The following KIF9 variants were observed in gnomAD, a reference collection of about 807,000 sequenced individuals.
The protein encoded by KIF9 is kinesin-like protein KIF9.
Under a neutral mutation model 94.8 loss-of-function variants are expected in KIF9, and 68 were observed. The ratio of observed to expected loss-of-function variants is 0.72; its 90% confidence interval spans 0.59 to 0.88. The LOEUF (loss-of-function observed/expected upper bound fraction) is 0.88, where lower values mean the gene tolerates loss of function less well. Ranked by LOEUF, KIF9 falls within the 40% of genes least tolerant of loss-of-function variation. The pLI is 0.00. For synonymous variants in KIF9, 343 were observed against 362.1 expected (o/e 0.95, Z 0.60); for missense variants, 882 against 982.5 (o/e 0.90, Z 1.37).
intron 4 of KIF9, 69 bp downstream of exon 4, chr3:47,273,483 A>G (rs1351845798): frequency 8.0e-7 from 1 of 1,247,742 alleles, no homozygotes; most frequent in Non-Finnish European, 1.1e-6. Context: ...TAGCTGGCCC[A>G]GGGTCAGTAA....
rs756705314 is a variant in KIF9, at chr3:47,236,657, G to A, written c.1925-38C>T. ...GGAAGAAGTCAGGAAATGAGGAGGT[G>A]TCCACCTGAAATTGGGGGAGGAAGG... On this transcript the variant is annotated intron_variant, in intron 17 of 20. Coordinates refer to ENST00000684063, the MANE Select transcript of KIF9 (RefSeq NM_182902.4). 8 of 1,594,810 alleles carry A rather than the reference G, an allele frequency of 5.0e-6. No homozygotes were observed. The Admixed American group carries it at 1.2e-4, about 23-fold the overall frequency.
At chr3:47,282,085 G>A (rs1052356746) in intron 1 of KIF9, 5 of 520,942 alleles carry the variant, frequency 9.6e-6, no homozygotes, top group Non-Finnish European at 1.2e-5. Flanking sequence ...CGTGGAGCCT[G>A]GGCGGCAGTG....
chr3:47,245,350 G>C (rs969375636), intron 14 of KIF9, 71 bp downstream of exon 14: 3 of 1,127,792 alleles, frequency 2.7e-6, no homozygotes, highest in East Asian at 4.7e-5. Context: ...ATTAATACTT[G>C]CTGGCTCTGC....
chr3:47,239,924 A>C, intron 17 of KIF9: 1 of 1,367,704 alleles, frequency 7.3e-7, no homozygotes, highest in Non-Finnish European at 9.8e-7. Flanking sequence ...GTCTGGAAGA[A>C]GACAGTAAGA....
chr3:47,245,102 G>A, intron 14 of KIF9, 178 bp from the exon 15 acceptor site: 1 of 741,106 alleles, frequency 1.3e-6, no homozygotes, highest in Non-Finnish European at 2.1e-6. Context: ...TGACCACTCT[G>A]CCAAATGTCC....
At chr3:47,266,893 G>A in intron 7 of KIF9, 83 bp downstream of exon 7, 2 of 1,008,708 alleles carry the variant, frequency 2.0e-6, no homozygotes, top group South Asian at 2.6e-5. Flanking sequence ...TATCCAATGA[G>A]TCATGGCCCA....
At chr3:47,251,323 T>C (rs751411530) in intron 10 of KIF9, among the ~76,000 whole-genome samples, 1 of 152,080 alleles carries the variant, frequency 6.6e-6, no homozygotes, top group Non-Finnish European at 1.5e-5. Flanking sequence ...CCCAGCACTT[T>C]AGGAGGTCAA....
At chr3:47,250,658 C>T (rs531470417) in intron 10 of KIF9, 1 of 397,448 alleles carries the variant, frequency 2.5e-6, no homozygotes, top group Non-Finnish European at 5.3e-6. Context: ...AGAAGAATCG[C>T]TAAGTCATTT....
At chr3:47,243,285 CAG>C (rs1559430993) in intron 15 of KIF9, 40 bp from the exon 16 acceptor site, 1 of 1,539,432 alleles carries the variant, frequency 6.5e-7, no homozygotes. Context: ...CAGTCATGGA[CAG>C]TGAGTTATCA....
chr3:47,254,722 A>G (rs1700466255), intron 10 of KIF9, among the ~76,000 whole-genome samples: 1 of 152,208 alleles, frequency 6.6e-6, no homozygotes, highest in Non-Finnish European at 1.5e-5. Flanking sequence ...GGCCTTAACT[A>G]GGATGCCAGT....
At chr3:47,244,491 T>G in intron 15 of KIF9, 1 of 302,604 alleles carries the variant, frequency 3.3e-6, no homozygotes, top group South Asian at 5.7e-5. Context: ...CCACTACTCA[T>G]TGGTGGTATG....
At chr3:47,250,643 TGAG>T (rs1192897077) in intron 10 of KIF9, 3 of 413,508 alleles carry the variant, frequency 7.3e-6, no homozygotes, top group Non-Finnish European at 1.5e-5. Context: ...TGACACATTT[TGAG>T]GAGAAGAATC....
chr3:47,250,685 T>C (rs993182701), intron 10 of KIF9: 3 of 313,480 alleles, frequency 9.6e-6, no homozygotes, highest in Non-Finnish European at 2.1e-5. Flanking sequence ...CGATATACCA[T>C]CTGAGTGTCT....
chr3:47,280,993 G>A lies in KIF9; in HGVS notation c.-6+1502C>T, dbSNP rs190009349. ...ACCATTCTTACGTCGCTTCATTTGA[G>A]TGGGTTTCAGTTCCCAAAATTAAAT... On this transcript the variant is annotated intron_variant, in intron 1 of 20. Transcript: ENST00000684063. 3 of 703,056 alleles carry A rather than the reference G, an allele frequency of 4.3e-6. No individual in the cohort carries two copies. In the African/African-American group the frequency reaches 5.2e-5, roughly 12 times the overall value. 43.6% of individuals were successfully genotyped at this position (703,056 alleles called of 1,614,324 possible).
intron 9 of KIF9, among the ~76,000 whole-genome samples, chr3:47,261,510 A>AT (rs1162555239): frequency 6.6e-6 from 1 of 152,182 alleles, no homozygotes; most frequent in Non-Finnish European, 1.5e-5. Flanking sequence ...AGGCCCAGAG[A>AT]TTCTTGCCTC....
Position 47,244,808 on chromosome 3 carries a change from T to G in KIF9, c.1497A>C (p.Thr499=). ...TCACTCACCTGAGTGGCTCTTTGAATGTCTTCTTGGACTTGGCTTTCTTCC... is the reference window on the plus strand; with the variant it reads ...TCACTCACCTGAGTGGCTCTTTGAAGGTCTTCTTGGACTTGGCTTTCTTCC... ...KPGKKAKSKK[T]FKEPLSSLAR... is the part of the protein sequence containing the mutation. The change falls in exon 15 of 21, where the codon ACA becomes ACC. Residue 499 remains threonine, a synonymous_variant. Transcript: ENST00000684063. 6.2e-7 allele frequency: 1 copy of G among 1,614,052 alleles called. No homozygotes were observed. The highest frequency in any genetic ancestry group is 8.5e-7 in the Non-Finnish European group (1 of 1,180,028).
At chr3:47,275,693 A>T (rs560829742) in intron 2 of KIF9, among the ~76,000 whole-genome samples, 1 of 152,358 alleles carries the variant, frequency 6.6e-6, no homozygotes, top group African/African-American at 2.4e-5. Flanking sequence ...TGGAAAGATC[A>T]GGAGAGTGGA....
Position 47,273,546 on chromosome 3 carries a change from C to CT in KIF9, c.366+5dup, listed in dbSNP as rs766730034. On this transcript the variant is annotated splice_donor_region_variant and intron_variant, in intron 4 of 20. Coordinates refer to ENST00000684063, the MANE Select transcript of KIF9 (RefSeq NM_182902.4). ...GTGGCATCCCACCCTTGGGCCCACT[C>CT]TCTACCTGCTGCAGGGCACGAGGGA... The CT allele has an allele frequency of 1.2e-5, 19 of 1,592,590 alleles. No individual in the cohort carries two copies. The highest frequency in any genetic ancestry group is 1.6e-5 in the Non-Finnish European group (19 of 1,168,352).
At chr3:47,262,427 A>G (rs1394960745) in intron 9 of KIF9, among the ~76,000 whole-genome samples, 1 of 150,136 alleles carries the variant, frequency 6.7e-6, no homozygotes, top group Admixed American at 6.6e-5. Context: ...CCGCCACCAC[A>G]CTCTGCTAAT....
Sources: allele counts gnomAD v4.1 joint callset (sites outside exome capture counted in the v4.1 genomes callset), GRCh38; gene constraint gnomAD v4.1.1; transcripts MANE v1.5; gene names NCBI Gene and HGNC (gene_info 2026-07-23, HGNC 2026-07-21).